The following PHTF2 variants were observed in gnomAD, a reference collection of about 807,000 sequenced individuals.
PHTF2 encodes the protein putative homeodomain transcription factor 2.
A neutral mutation model predicts 101.2 loss-of-function variants in PHTF2; 60 were observed. That is an observed-to-expected ratio of 0.59 (90% CI 0.48 to 0.73). PHTF2 has a LOEUF of 0.73. Among genes scored for constraint, PHTF2 ranks in the 30% least tolerant of loss-of-function variants. PHTF2 has a pLI of 0.00. For synonymous variants in PHTF2, 311 were observed against 307.3 expected (o/e 1.01, Z -0.13); for missense variants, 747 against 908.7 (o/e 0.82, Z 2.29).
chr7:77,916,600 ATGGGAGATTGGTTC>A (rs1177772344), intron 9 of PHTF2, among the ~76,000 whole-genome samples: 1 of 152,058 alleles, frequency 6.6e-6, no homozygotes, highest in Admixed American at 6.5e-5. Flanking sequence ...CTTGGTATCC[ATGGGAGATTGGTTC>A]TGGGATACCT....
intron 3 of PHTF2, among the ~76,000 whole-genome samples, chr7:77,888,899 A>G (rs1800114120): frequency 6.6e-6 from 1 of 152,204 alleles, no homozygotes; most frequent in South Asian, 2.1e-4. Flanking sequence ...CAATAATATA[A>G]AGCAGAAGGG....
Position 77,941,415 on chromosome 7 carries a change from G to A in PHTF2, c.1872+756G>A, listed in dbSNP as rs149831478. 1.2e-3 allele frequency among the ~76,000 whole-genome samples: 184 copies of A among 152,164 alleles called. 2 individuals are homozygous for A. The highest frequency in any genetic ancestry group is 4.0e-3 in the African/African-American group (168 of 41,512). ...GTTGTATGGAGGGATGAATCTGATC[G>A]CTTGAATTCGTCCAAAATTTCCTCC... On this transcript the variant is annotated intron_variant, in intron 15 of 19. Transcript: ENST00000416283.
intron 9 of PHTF2, among the ~76,000 whole-genome samples, chr7:77,913,875 A>G (rs980206238): frequency 6.6e-6 from 1 of 152,114 alleles, no homozygotes; most frequent in Non-Finnish European, 1.5e-5. Context: ...TATTCTGATT[A>G]TCTGTCTCTA....
intron 3 of PHTF2, among the ~76,000 whole-genome samples, chr7:77,859,512 C>G (rs1797448787): frequency 1.3e-5 from 2 of 151,326 alleles, no homozygotes; most frequent in Admixed American, 6.6e-5. Context: ...TTTTTCATTC[C>G]TTAAAGATAC....
At chr7:77,834,526 C>T (rs11772392) in intron 1 of PHTF2, among the ~76,000 whole-genome samples, 32,280 of 152,004 alleles carry the variant, frequency 0.21, 3,878 homozygotes, top group South Asian at 0.29. Flanking sequence ...GGTGTAGGGG[C>T]TTGACTCAAG....
intron 16 of PHTF2, among the ~76,000 whole-genome samples, chr7:77,947,837 C>CTTTCTTTTTTTT (rs750628047): frequency 1.4e-5 from 1 of 73,806 alleles, no homozygotes; most frequent in Admixed American, 2.0e-4. Context: ...TTTTTTCTTT[C>CTTTCTTTTTTTT]TTTTTTTTTT....
intron 3 of PHTF2, among the ~76,000 whole-genome samples, chr7:77,892,032 C>T (rs1800471035): frequency 6.6e-6 from 1 of 152,180 alleles, no homozygotes; most frequent in South Asian, 2.1e-4. Context: ...AATCCCAGCA[C>T]TATGGGAGGC....
chr7:77,920,155 G>A (rs765080089), intron 9 of PHTF2, 124 bp from the exon 9 acceptor site: 6 of 585,946 alleles, frequency 1.0e-5, no homozygotes, highest in African/African-American at 3.8e-5. Context: ...TATACAAATA[G>A]GGTGGTCATT....
chr7:77,855,295 C>G (rs1258306831), intron 3 of PHTF2, among the ~76,000 whole-genome samples: 2 of 152,220 alleles, frequency 1.3e-5, no homozygotes, highest in African/African-American at 2.4e-5. Flanking sequence ...CACTTCAGGA[C>G]TCTGCCCAGT....
intron 3 of PHTF2, among the ~76,000 whole-genome samples, chr7:77,879,873 A>C (rs1459860701): frequency 2.6e-5 from 4 of 152,224 alleles, no homozygotes; most frequent in South Asian, 2.1e-4. Flanking sequence ...CTTTTCCATG[A>C]GAAATGTATA....
chr7:77,835,722 T>C (rs1009742913), intron 1 of PHTF2, among the ~76,000 whole-genome samples: 51 of 152,212 alleles, frequency 3.4e-4, no homozygotes, highest in African/African-American at 1.2e-3. Flanking sequence ...CAGGAAGTCT[T>C]ACTAATAACA....
chr7:77,850,347 C>T (rs1417542401), intron 2 of PHTF2, among the ~76,000 whole-genome samples: 3 of 96,168 alleles, frequency 3.1e-5, no homozygotes, highest in African/African-American at 4.7e-5. Flanking sequence ...AAAGACAAAG[C>T]AAGACCTTGT....
chr7:77,816,440 T>A (rs191833343), intron 1 of PHTF2, among the ~76,000 whole-genome samples: 104 of 152,318 alleles, frequency 6.8e-4, no homozygotes, highest in African/African-American at 2.3e-3. Context: ...ATGTTTCATT[T>A]TGCTCAATTC....
rs369183115 is a variant in PHTF2 at position 77,937,691 on chromosome 7, AT to A, written c.1339-5del. ...TTAAATGTGATCTATATATTTACTA[AT>A]TTTTTTTTTTTTTATAGAGTCATTT... On this transcript the variant is annotated intron_variant, in intron 12 of 19. Coordinates refer to ENST00000416283, the Ensembl canonical transcript of PHTF2. 0.1 allele frequency: 89,357 copies of A among 851,650 alleles called. 2 individuals are homozygous for A. Among genetic ancestry groups the A allele is most frequent in the East Asian group, 0.12 (3,090 of 26,736 alleles). The allele number at this position is 851,650 out of a possible 1,614,324, so 52.8% of individuals were successfully genotyped here.
chr7:77,842,332 T>C (rs1584462127), intron 2 of PHTF2, among the ~76,000 whole-genome samples: 1 of 152,182 alleles, frequency 6.6e-6, no homozygotes, highest in East Asian at 1.9e-4. Context: ...GCCTCCCAAG[T>C]AGCTGGGACT....
intron 1 of PHTF2, among the ~76,000 whole-genome samples, chr7:77,831,756 G>A (rs770057410): frequency 5.9e-5 from 9 of 152,172 alleles, no homozygotes; most frequent in Non-Finnish European, 1.2e-4. Flanking sequence ...CACTACTTGG[G>A]TCAAAGAGGT....
At position 77,853,158 on chromosome 7, in the gene PHTF2, C is replaced by T. The variant is rs59033784; in HGVS notation, c.46-1575C>T. On this transcript the variant is annotated intron_variant, in intron 2 of 19. Transcript: ENST00000416283. ...ATTATCTCTTTGAGTAAACTTTTTACCCCAATATCTCTCTCTCTGCCTCCT... is the reference window on the plus strand; with the variant it reads ...ATTATCTCTTTGAGTAAACTTTTTATCCCAATATCTCTCTCTCTGCCTCCT... 3.9e-5 allele frequency among the ~76,000 whole-genome samples: 6 copies of T among 152,078 alleles called. No homozygotes were observed. The East Asian group carries it at 1.2e-3, about 29-fold the overall frequency.
At chr7:77,892,323 T>TCAAG (rs529063168) in intron 3 of PHTF2, among the ~76,000 whole-genome samples, 4 of 152,206 alleles carry the variant, frequency 2.6e-5, no homozygotes, top group Non-Finnish European at 5.9e-5. Flanking sequence ...AAGGTTCTTA[T>TCAAG]CAAGTCACTT....
At chr7:77,848,443 A>G (rs1796481013) in intron 2 of PHTF2, among the ~76,000 whole-genome samples, 2 of 152,128 alleles carry the variant, frequency 1.3e-5, no homozygotes, top group South Asian at 4.1e-4. Context: ...TTTGATTTGC[A>G]TTTCTCTGAT....
Sources: gnomAD v4.1 joint callset for allele counts (sites outside exome capture counted in the v4.1 genomes callset) on GRCh38, gnomAD v4.1.1 for gene constraint, MANE v1.5 for transcripts, NCBI Gene and HGNC (gene_info 2026-07-23, HGNC 2026-07-21) for gene names.